The following NIPAL2 variants were observed in gnomAD, a reference collection of about 807,000 sequenced individuals.
NIPAL2 encodes NIPA-like protein 2.
A neutral mutation model predicts 48.9 loss-of-function variants in NIPAL2; 43 were observed. The observed-to-expected ratio is 0.88, with a 90% CI of 0.69 to 1.13. The LOEUF (loss-of-function observed/expected upper bound fraction) is 1.13. Among genes scored for constraint, NIPAL2 ranks in the 50% most tolerant of loss-of-function variants. The pLI is 0.00. For synonymous variants in NIPAL2, 167 were observed against 174.6 expected (o/e 0.96, Z 0.34); for missense variants, 446 against 461.4 (o/e 0.97, Z 0.31).
At chr8:98,193,453 T>C in intron 10 of NIPAL2, 9 of 1,600,584 alleles carry the variant, frequency 5.6e-6, no homozygotes, top group Non-Finnish European at 7.7e-6. Flanking sequence ...CATAGAAAAA[T>C]AGCCTTTGAT....
intron 8 of NIPAL2, among the ~76,000 whole-genome samples, chr8:98,199,527 C>T (rs1048268119): frequency 6.6e-6 from 1 of 152,030 alleles, no homozygotes; most frequent in Non-Finnish European, 1.5e-5. Context: ...GATGTGGGAA[C>T]AGCTGGTCAG....
chr8:98,197,078 T>C (rs1810583957), intron 8 of NIPAL2, among the ~76,000 whole-genome samples: 1 of 151,350 alleles, frequency 6.6e-6, no homozygotes, highest in African/African-American at 2.4e-5. Flanking sequence ...ACATCTTTTT[T>C]CTCTTTTTTT....
At chr8:98,244,529 G>T (rs1200828848) in intron 3 of NIPAL2, among the ~76,000 whole-genome samples, 6 of 131,002 alleles carry the variant, frequency 4.6e-5, no homozygotes, top group Non-Finnish European at 9.7e-5. Context: ...GATAAGGGGG[G>T]TGGGCTGTGA....
chr8:98,279,336 C>T (rs992088391), intron 1 of NIPAL2, among the ~76,000 whole-genome samples: 9 of 152,162 alleles, frequency 5.9e-5, no homozygotes, highest in African/African-American at 1.9e-4. Flanking sequence ...CAAATTCCTG[C>T]AATCAGAAGT....
intron 1 of NIPAL2, among the ~76,000 whole-genome samples, chr8:98,262,164 C>T (rs1814384698): frequency 6.7e-6 from 1 of 149,288 alleles, no homozygotes; most frequent in South Asian, 2.2e-4. Flanking sequence ...GTACCAGCCG[C>T]TGCAAAATCA....
chr8:98,198,748 T>C (rs1365793480), intron 8 of NIPAL2, among the ~76,000 whole-genome samples: 2 of 152,214 alleles, frequency 1.3e-5, no homozygotes, highest in Non-Finnish European at 2.9e-5. Context: ...TCTTCACCTC[T>C]CTTAGCCTTC....
intron 3 of NIPAL2, among the ~76,000 whole-genome samples, chr8:98,238,985 TGTGTAATTAA>T (rs958081505): frequency 5.9e-5 from 9 of 152,268 alleles, no homozygotes; most frequent in African/African-American, 2.2e-4. Context: ...ACAGACTTCC[TGTGTAATTAA>T]GTAAGGGATG....
intron 4 of NIPAL2, among the ~76,000 whole-genome samples, chr8:98,223,098 AATTTGAAACTCTGGTAAT>A (rs1198140435): frequency 6.6e-6 from 1 of 152,170 alleles, no homozygotes; most frequent in African/African-American, 2.4e-5. Flanking sequence ...GTGATTTAAC[AATTTGAAACTCTGGTAAT>A]GAGCATCTTT....
At chr8:98,260,942 A>G (rs905963034) in intron 1 of NIPAL2, among the ~76,000 whole-genome samples, 1 of 152,146 alleles carries the variant, frequency 6.6e-6, no homozygotes, top group African/African-American at 2.4e-5. Context: ...GAGAACGGGC[A>G]GACTGCCTCC....
At chr8:98,270,499 T>C (rs1017520331) in intron 1 of NIPAL2, among the ~76,000 whole-genome samples, 1 of 152,198 alleles carries the variant, frequency 6.6e-6, no homozygotes, top group Non-Finnish European at 1.5e-5. Context: ...GTGTCTGTTA[T>C]ATTCTTTGCT....
rs1810879020 is a variant in NIPAL2 at position 98,203,092 on chromosome 8, G to GA, written c.880+15dup. On this transcript the variant is annotated intron_variant, in intron 8 of 10. Transcript: ENST00000430223. ...TTATGCTTGGAATCACCAATGTATA[G>GA]AAAACCAAAACTCACCTGCAATGAT... 2 of 1,595,428 alleles carry GA rather than the reference G, an allele frequency of 1.3e-6. No individual in the cohort carries two copies. The highest frequency in any genetic ancestry group is 1.7e-6 in the Non-Finnish European group (2 of 1,163,192).
chr8:98,267,577 C>T (rs1449960125), intron 1 of NIPAL2, among the ~76,000 whole-genome samples: 3 of 152,118 alleles, frequency 2.0e-5, no homozygotes, highest in African/African-American at 7.2e-5. Flanking sequence ...GCCTCAGCCT[C>T]CTAAAGTGTT....
At chr8:98,290,150 T>C (rs1164733890) in intron 1 of NIPAL2, among the ~76,000 whole-genome samples, 2 of 152,204 alleles carry the variant, frequency 1.3e-5, no homozygotes, top group Non-Finnish European at 2.9e-5. Context: ...AACACATACC[T>C]TTTGAGGTTG....
At chr8:98,238,633 CT>C (rs1812839453) in intron 3 of NIPAL2, among the ~76,000 whole-genome samples, 1 of 149,788 alleles carries the variant, frequency 6.7e-6, no homozygotes, top group Admixed American at 6.6e-5. Flanking sequence ...CTCAACTTAG[CT>C]TTTTCTCATT....
intron 1 of NIPAL2, among the ~76,000 whole-genome samples, chr8:98,267,402 C>A (rs191484478): frequency 1.2e-4 from 18 of 151,678 alleles, no homozygotes; most frequent in Admixed American, 9.2e-4. Context: ...CAGCTCACTG[C>A]AGCTTTGACC....
chr8:98,254,918 T>C (rs1043388291), intron 1 of NIPAL2, among the ~76,000 whole-genome samples: 12 of 152,208 alleles, frequency 7.9e-5, no homozygotes, highest in African/African-American at 2.7e-4. Flanking sequence ...GTACATCTCC[T>C]TGAGACCTCC....
At chr8:98,242,315 G>T (rs4454248) in intron 3 of NIPAL2, among the ~76,000 whole-genome samples, 132,619 of 151,748 alleles carry the variant, frequency 0.87, 58,270 homozygotes, top group Non-Finnish European at 0.9. Flanking sequence ...AAGGAGCTGG[G>T]ACTATAGGCA....
chr8:98,260,630 G>A (rs1472768866), intron 1 of NIPAL2, among the ~76,000 whole-genome samples: 2 of 152,110 alleles, frequency 1.3e-5, no homozygotes, highest in African/African-American at 2.4e-5. Context: ...AGGGTCCTAC[G>A]CCCACGGAGT....
At chr8:98,259,809 G>A (rs998175472) in intron 1 of NIPAL2, among the ~76,000 whole-genome samples, 1 of 152,176 alleles carries the variant, frequency 6.6e-6, no homozygotes, top group East Asian at 1.9e-4. Context: ...CCCCAGAGGG[G>A]GGCCATCCCT....
Sources: allele counts gnomAD v4.1 joint callset (sites outside exome capture counted in the v4.1 genomes callset), GRCh38; gene constraint gnomAD v4.1.1; transcripts MANE v1.5; gene names NCBI Gene and HGNC (gene_info 2026-07-23, HGNC 2026-07-21).